KASH5: variants seen among roughly 807,000 people sequenced by gnomAD.
KASH5 encodes KASH domain containing 5.
KASH5 carries 72 observed loss-of-function variants against 84.2 expected under a neutral mutation model. That is an observed-to-expected ratio of 0.85 (90% CI 0.71 to 1.04). The LOEUF (loss-of-function observed/expected upper bound fraction) is 1.04, where lower values mean the gene tolerates loss of function less well. Among genes scored for constraint, KASH5 ranks in the 50% least tolerant of loss-of-function variants. The probability of loss-of-function intolerance (pLI) is 0.00; values close to 1 mark genes in which losing one functional copy is unlikely to be tolerated. For synonymous variants in KASH5, 260 were observed against 279.1 expected, an observed-to-expected ratio of 0.93 and a Z score of 0.68; for missense variants, 650 against 701.0, an observed-to-expected ratio of 0.93 and a Z score of 0.82.
intron 9 of KASH5, among the ~76,000 whole-genome samples, chr19:49,404,388 T>A (rs1974460019): frequency 6.6e-6 from 1 of 152,210 alleles, no homozygotes; most frequent in African/African-American, 2.4e-5. Context: ...CTGGGCCATT[T>A]TATGTTCAGG....
chr19:49,394,445 A>G, intron 2 of KASH5, 31 bp from the exon 3 acceptor site: 2 of 1,564,042 alleles, frequency 1.3e-6, no homozygotes, highest in Non-Finnish European at 8.8e-7. Context: ...TATTCTTCCC[A>G]CTGGTGAGCT....
chr19:49,397,827 G>A (rs547037633), intron 6 of KASH5, 110 bp downstream of exon 6: 2 of 1,463,792 alleles, frequency 1.4e-6, no homozygotes, highest in Admixed American at 3.7e-5. Context: ...ATGAGGGACG[G>A]GGCTTTGCTG....
chr19:49,402,363 C>G (rs1974388312), intron 9 of KASH5, among the ~76,000 whole-genome samples: 1 of 151,228 alleles, frequency 6.6e-6, no homozygotes, highest in Non-Finnish European at 1.5e-5. Context: ...ACCTAGGCAA[C>G]ATAGTGAGAG....
At chr19:49,393,636 A>G (rs190449488) in intron 2 of KASH5, 1 of 152,154 alleles carries the variant, frequency 6.6e-6, no homozygotes, top group African/African-American at 2.4e-5. Context: ...AGCACCTGCC[A>G]TCTGCAGGTG....
chr19:49,397,615 A>G lies in KASH5; in HGVS notation c.401-36A>G, dbSNP rs776592131. 26 of 1,604,164 alleles carry G rather than the reference A, an allele frequency of 1.6e-5. No individual in the cohort carries two copies. The South Asian group carries it at 2.8e-4, about 17-fold the overall frequency. On this transcript the variant is annotated intron_variant, in intron 5 of 19. Coordinates refer to ENST00000447857, the MANE Select transcript of KASH5 (RefSeq NM_144688.5). ...GGGGCACTTTACGTTTAAGGGTTCC[A>G]GGGAAGCCAACATTCTCTTGGCTCT...
intron 1 of KASH5, 62 bp from the exon 2 acceptor site, chr19:49,390,727 C>G: frequency 1.3e-6 from 1 of 752,104 alleles, no homozygotes; most frequent in South Asian, 2.1e-5. Context: ...ACAGGTGGGG[C>G]TAGGCAGGCC....
rs1397869800 is a variant in KASH5, at chr19:49,390,778, TCTC to T, written c.-95-8_-95-6del. On this transcript the variant is annotated splice_polypyrimidine_tract_variant and splice_region_variant and intron_variant, in intron 1 of 19. Coordinates refer to ENST00000447857, the MANE Select transcript of KASH5 (RefSeq NM_144688.5). ...TGCTCTGAGGACACCATTTCCTGCTTCTCCTTCCAGGAGTGCTCGGGCCAGCTG... is the reference window on the plus strand; with the variant it reads ...TGCTCTGAGGACACCATTTCCTGCTTCTTCCAGGAGTGCTCGGGCCAGCTG... The T allele has an allele frequency of 3.1e-6, 4 of 1,297,414 alleles. No homozygotes were observed. The highest frequency in any genetic ancestry group is 3.0e-5 in the African/African-American group (2 of 65,922). The allele number at this position is 1,297,414 out of a possible 1,614,324, so 80.4% of individuals were successfully genotyped here. A position where few individuals can be genotyped will look rare whatever the true frequency, so the allele number is the denominator to read the frequency against.
chr19:49,407,225 C>G lies in KASH5; in HGVS notation c.877-15C>G. On this transcript the variant is annotated splice_polypyrimidine_tract_variant and intron_variant, in intron 10 of 19. Coordinates refer to ENST00000447857, the MANE Select transcript of KASH5 (RefSeq NM_144688.5). ...CTGGGAGGCTGGATGGATGGACCGGCTCCTTTCTTGGCAGCGGCAGCTCTT... is the reference window on the plus strand; with the variant it reads ...CTGGGAGGCTGGATGGATGGACCGGGTCCTTTCTTGGCAGCGGCAGCTCTT... 6.2e-7 allele frequency: 1 copy of G among 1,613,174 alleles called. No individual in the cohort carries two copies. The highest frequency in any genetic ancestry group is 8.5e-7 in the Non-Finnish European group (1 of 1,179,234).
At position 49,414,940 on chromosome 19, in the gene KASH5, T is replaced by C; in HGVS notation, c.1329-11T>C. 6.2e-7 allele frequency: 1 copy of C among 1,611,952 alleles called. No homozygotes were observed. The highest frequency in any genetic ancestry group is 1.3e-5 in the African/African-American group (1 of 75,012). The stretch of plus-strand genomic sequence containing the variant: ...GAGGACGAAGCCAGCAGTGACTTTG[T>C]TGGCCCTCAGGTTGACCAGAAGAGA... On this transcript the variant is annotated splice_polypyrimidine_tract_variant and intron_variant, in intron 16 of 19. Transcript: ENST00000447857. This position sits in a 1 kb window ranked among gnomAD's most constrained non-coding sequence, Gnocchi z 4.5.
chr19:49,395,439 C>T lies in KASH5; in HGVS notation c.335+147C>T. 1 of 870,208 alleles carries T rather than the reference C, an allele frequency of 1.1e-6. No individual in the cohort carries two copies. Among genetic ancestry groups the T allele is most frequent in the Non-Finnish European group, 1.8e-6 (1 of 564,332 alleles). The allele number at this position is 870,208 out of a possible 1,614,324, so 53.9% of individuals were successfully genotyped here. On this transcript the variant is annotated intron_variant, in intron 4 of 19. Coordinates refer to ENST00000447857, the MANE Select transcript of KASH5 (RefSeq NM_144688.5). This position sits in a 1 kb window ranked among gnomAD's most constrained non-coding sequence, Gnocchi z 4.4. ...GAGAGAAAAATGAAGAGACGGGATTCAGAGGGGGTAGATAGGGAGTCTGAG... is the reference window on the plus strand; with the variant it reads ...GAGAGAAAAATGAAGAGACGGGATTTAGAGGGGGTAGATAGGGAGTCTGAG...
At chr19:49,406,254 A>G (rs921774732) in intron 9 of KASH5, among the ~76,000 whole-genome samples, 1 of 152,104 alleles carries the variant, frequency 6.6e-6, no homozygotes, top group East Asian at 1.9e-4. Context: ...TGTTCTTTTG[A>G]TTTTAAAATT....
chr19:49,416,648 G>A lies in KASH5; in HGVS notation c.1375-367G>A, dbSNP rs942083115. Among the ~76,000 whole-genome samples, 3 of 152,192 alleles carry A rather than the reference G, an allele frequency of 2.0e-5. No homozygotes were observed. Among genetic ancestry groups the A allele is most frequent in the Non-Finnish European group, 2.9e-5 (2 of 68,044 alleles). ...ATACTTCCAGAATCCAATGGAAAACGGAGGTGATGATATTGAATAGCTCAC... is the reference window on the plus strand; with the variant it reads ...ATACTTCCAGAATCCAATGGAAAACAGAGGTGATGATATTGAATAGCTCAC... On this transcript the variant is annotated intron_variant, in intron 17 of 19. Transcript: ENST00000447857. This position sits in a 1 kb window ranked among gnomAD's most constrained non-coding sequence, Gnocchi z 5.4.
intron 17 of KASH5, chr19:49,415,531 C>G (rs1462014734): frequency 1.1e-5 from 2 of 180,006 alleles, no homozygotes; most frequent in African/African-American, 4.8e-5. Context: ...CAGTTGTGAG[C>G]TGAGGAATGC....
At chr19:49,398,373 T>C (rs1296152732) in intron 7 of KASH5, among the ~76,000 whole-genome samples, 1 of 130,582 alleles carries the variant, frequency 7.7e-6, no homozygotes, top group Non-Finnish European at 1.6e-5. Context: ...TCTCTCTCTC[T>C]TTTTTTTTTT....
At position 49,417,537 on chromosome 19, in the gene KASH5, T is replaced by A; in HGVS notation, c.*27T>A. ...AGGCTCTACTTGCCCCTCAGAGCAG[T>A]GTCTAGCTCAATAAATCCCCTGGCC... is the stretch of plus-strand genomic sequence containing the variant. On this transcript the variant is annotated 3_prime_UTR_variant, in exon 20 of 20. Coordinates refer to ENST00000447857, the MANE Select transcript of KASH5 (RefSeq NM_144688.5). The surrounding 1 kb of genome is among the most constrained non-coding windows in gnomAD (Gnocchi z 5.2). 6.7e-7 allele frequency: 1 copy of A among 1,493,262 alleles called. No homozygotes were observed. Among genetic ancestry groups the A allele is most frequent in the Non-Finnish European group, 9.0e-7 (1 of 1,116,402 alleles). The allele number at this position is 1,493,262 out of a possible 1,614,324, so 92.5% of individuals were successfully genotyped here.
intron 16 of KASH5, among the ~76,000 whole-genome samples, chr19:49,413,366 C>T (rs1226436157): frequency 6.6e-6 from 1 of 152,146 alleles, no homozygotes; most frequent in Middle Eastern, 3.2e-3. Flanking sequence ...GGTTGTATGC[C>T]GTGAAGTCCC....
rs1171423291 is a variant in KASH5, at chr19:49,409,015, T to C, written c.1042T>C (p.Tyr348His). ...SRLEEQLSQT[Y>H]EGPDELPEGA... ...CCTGGAGGAGCAGCTGAGTCAGACCTATGAGGGGCCCGATGAGTGAGTGGA... is the reference window on the plus strand; with the variant it reads ...CCTGGAGGAGCAGCTGAGTCAGACCCATGAGGGGCCCGATGAGTGAGTGGA... The change falls in exon 13 of 20, where the codon TAT becomes CAT. Residue 348 changes from tyrosine to histidine, a missense_variant. Physicochemically the swap from Tyr to His is moderately conservative, Grantham distance 83. Coordinates refer to ENST00000447857, the MANE Select transcript of KASH5 (RefSeq NM_144688.5). The C allele has an allele frequency of 6.3e-7, 1 of 1,593,326 alleles. No individual in the cohort carries two copies. The highest frequency in any genetic ancestry group is 8.5e-7 in the Non-Finnish European group (1 of 1,170,110).
rs1358343559 is a variant in KASH5 at position 49,414,337 on chromosome 19, G to A, written c.1329-614G>A. On this transcript the variant is annotated intron_variant, in intron 16 of 19. Transcript: ENST00000447857. The surrounding 1 kb of genome is among the most constrained non-coding windows in gnomAD (Gnocchi z 4.5). ...TTGCACCTAAGAGGATTCGGCATGG[G>A]GAAGAGCTCCAACAGTTGAGTTCTG... 1.3e-5 allele frequency among the ~76,000 whole-genome samples: 2 copies of A among 152,114 alleles called. No homozygotes were observed. Among genetic ancestry groups the A allele is most frequent in the African/African-American group, 4.8e-5 (2 of 41,420 alleles).
At chr19:49,389,821 A>G (rs1302250145) in intron 1 of KASH5, 1 of 152,724 alleles carries the variant, frequency 6.5e-6, no homozygotes, top group Non-Finnish European at 1.5e-5. Context: ...GGGCCCCCCA[A>G]ACTCCTGTCA....
Sources: allele counts gnomAD v4.1 joint callset (sites outside exome capture counted in the v4.1 genomes callset), GRCh38; gene constraint gnomAD v4.1.1; non-coding constraint Gnocchi (gnomAD v3.1); transcripts MANE v1.5; gene names NCBI Gene and HGNC (gene_info 2026-07-23, HGNC 2026-07-21).